The following CNIH3 variants were observed in gnomAD, a reference collection of about 807,000 sequenced individuals.
The protein encoded by CNIH3 is protein cornichon homolog 3.
In CNIH3, 14 loss-of-function variants were observed where a neutral mutation model predicts 24.1. The ratio of observed to expected loss-of-function variants is 0.58; its 90% CI spans 0.38 to 0.91. The LOEUF is 0.91. Ranked by LOEUF, CNIH3 falls within the 40% of genes least tolerant of loss-of-function variation. The pLI, the probability that CNIH3 is intolerant of heterozygous loss-of-function variation, is 0.00. For missense variants in CNIH3, 178 were observed against 196.8 expected (o/e 0.90, Z 0.57); for synonymous variants, 68 against 73.8 (o/e 0.92, Z 0.40).
chr1:224,651,970 A>C (rs1413566117), intron 1 of CNIH3, among the ~76,000 whole-genome samples: 1 of 152,136 alleles, frequency 6.6e-6, no homozygotes, highest in Non-Finnish European at 1.5e-5. Context: ...CTGCTTCCTC[A>C]ACAGTAACTT....
chr1:224,632,144 A>C (rs975556802), intron 1 of CNIH3, among the ~76,000 whole-genome samples: 1 of 152,178 alleles, frequency 6.6e-6, no homozygotes, highest in Non-Finnish European at 1.5e-5. Flanking sequence ...TGCGTTGTCC[A>C]TAAGTCTGAG....
At chr1:224,686,822 A>T (rs750386150) in intron 3 of CNIH3, among the ~76,000 whole-genome samples, 1 of 152,266 alleles carries the variant, frequency 6.6e-6, no homozygotes, top group Non-Finnish European at 1.5e-5. Context: ...AGCTAAGGGT[A>T]TGAAAGTAAG....
intron 1 of CNIH3, among the ~76,000 whole-genome samples, chr1:224,462,338 A>AT (rs888053431): frequency 5.3e-5 from 8 of 151,824 alleles, no homozygotes; most frequent in Admixed American, 1.3e-4. Context: ...TTATGTTTAA[A>AT]TTTTTTTTGT....
chr1:224,607,051 A>T (rs1682457546), intron 3 of CNIH3, among the ~76,000 whole-genome samples: 1 of 152,232 alleles, frequency 6.6e-6, no homozygotes, highest in South Asian at 2.1e-4. Context: ...ACACATGTGA[A>T]TGTGTGCTAA....
chr1:224,659,700 G>A (rs1474752862), intron 1 of CNIH3, among the ~76,000 whole-genome samples: 1 of 152,308 alleles, frequency 6.6e-6, no homozygotes. Flanking sequence ...CAAGAGTACG[G>A]AATCAAGTTA....
chr1:224,512,437 G>A (rs368712426), upstream of CNIH3, among the ~76,000 whole-genome samples: 1 of 152,186 alleles, frequency 6.6e-6, no homozygotes, highest in African/African-American at 2.4e-5. Flanking sequence ...CTATGATGGT[G>A]CCTCTGCACT....
intron 2 of CNIH3, 116 bp downstream of exon 2, chr1:224,681,142 T>G: frequency 1.2e-6 from 1 of 853,460 alleles, no homozygotes; most frequent in Non-Finnish European, 2.0e-6. Context: ...TCGCCCTCAC[T>G]GTGCCTCTCT....
chr1:224,629,175 T>G (rs999251804), intron 1 of CNIH3, among the ~76,000 whole-genome samples: 3 of 151,742 alleles, frequency 2.0e-5, no homozygotes, highest in African/African-American at 4.8e-5. Context: ...CCTGGCTAAT[T>G]TTTTTGTATT....
At chr1:224,685,935 A>G (rs1357409075) in intron 3 of CNIH3, among the ~76,000 whole-genome samples, 4 of 152,330 alleles carry the variant, frequency 2.6e-5, no homozygotes, top group African/African-American at 7.2e-5. Context: ...AAATAACATA[A>G]TATGAATTCA....
intron 3 of CNIH3, among the ~76,000 whole-genome samples, chr1:224,554,538 T>C (rs1680056164): frequency 6.6e-6 from 1 of 152,092 alleles, no homozygotes; most frequent in African/African-American, 2.4e-5. Flanking sequence ...CCCTAAACAA[T>C]ATAGTATTAT....
chr1:224,478,633 C>T (rs968547029), intron 1 of CNIH3, among the ~76,000 whole-genome samples: 1 of 152,182 alleles, frequency 6.6e-6, no homozygotes, highest in African/African-American at 2.4e-5. Flanking sequence ...CTCTGTCTCT[C>T]TGGGATTGGT....
intron 3 of CNIH3, among the ~76,000 whole-genome samples, chr1:224,712,548 A>G (rs2125204232): frequency 6.6e-6 from 1 of 152,354 alleles, no homozygotes; most frequent in South Asian, 2.1e-4. Context: ...GAATGAATAC[A>G]TGCATGAGAG....
At chr1:224,578,663 T>G (rs1346296388) in intron 4 of CNIH3, among the ~76,000 whole-genome samples, 1 of 152,212 alleles carries the variant, frequency 6.6e-6, no homozygotes, top group East Asian at 1.9e-4. Context: ...ATGTCTTTAT[T>G]CTGCCTACAC....
At chr1:224,445,409 C>G (rs994461849) in intron 1 of CNIH3, among the ~76,000 whole-genome samples, 3 of 151,584 alleles carry the variant, frequency 2.0e-5, no homozygotes, top group African/African-American at 7.3e-5. Flanking sequence ...AACCCTGTCT[C>G]TACTAAAAAT....
chr1:224,630,328 A>G (rs1365504730), intron 1 of CNIH3, among the ~76,000 whole-genome samples: 2 of 152,172 alleles, frequency 1.3e-5, no homozygotes, highest in South Asian at 2.1e-4. Context: ...TTACACTTCC[A>G]TATTTGCCCC....
At chr1:224,572,393 G>A (rs1680855700) in intron 4 of CNIH3, among the ~76,000 whole-genome samples, 1 of 152,022 alleles carries the variant, frequency 6.6e-6, no homozygotes, top group Non-Finnish European at 1.5e-5. Flanking sequence ...GCTCACGCCT[G>A]TAGTCCCAGC....
intron 3 of CNIH3, among the ~76,000 whole-genome samples, chr1:224,700,368 C>T (rs530176075): frequency 2.6e-5 from 4 of 152,130 alleles, no homozygotes; most frequent in Non-Finnish European, 5.9e-5. Flanking sequence ...AGGGCTTCCA[C>T]GTATAAAATT....
At chr1:224,464,406 C>T (rs1558083724) in intron 1 of CNIH3, among the ~76,000 whole-genome samples, 1 of 152,184 alleles carries the variant, frequency 6.6e-6, no homozygotes, top group East Asian at 1.9e-4. Context: ...GCTGGGACTA[C>T]AGGCATGTGC....
chr1:224,708,587 A>G lies in CNIH3; in HGVS notation c.199-21875A>G, dbSNP rs1687952176. ...CTCCTTCTATTGAAACTGCTGATTGAAGGTCACCAATGACGTCCCAGTTGC... is the reference window on the plus strand; with the variant it reads ...CTCCTTCTATTGAAACTGCTGATTGGAGGTCACCAATGACGTCCCAGTTGC... On this transcript the variant is annotated intron_variant, in intron 3 of 5. Transcript: ENST00000272133. Among the ~76,000 whole-genome samples, 3 of 152,200 alleles carry G rather than the reference A, an allele frequency of 2.0e-5. No individual in the cohort carries two copies. The South Asian group carries it at 6.2e-4, about 32-fold the overall frequency.
Sources: gnomAD v4.1 joint callset for allele counts (sites outside exome capture counted in the v4.1 genomes callset) on GRCh38, gnomAD v4.1.1 for gene constraint, MANE v1.5 for transcripts, NCBI Gene and HGNC (gene_info 2026-07-23, HGNC 2026-07-21) for gene names.